The following GSTCD variants were observed in gnomAD, a reference collection of about 807,000 sequenced individuals.
The protein encoded by GSTCD is glutathione S-transferase C-terminal domain containing, also known as glutathione S-transferase C-terminal domain-containing protein.
Under a neutral mutation model 68.3 loss-of-function variants are expected in GSTCD, and 44 were observed. That is an observed-to-expected ratio of 0.64 (90% CI 0.51 to 0.83). The LOEUF (loss-of-function observed/expected upper bound fraction) is 0.83, where lower values mean the gene tolerates loss of function less well. Among genes scored for constraint, GSTCD ranks in the 40% least tolerant of loss-of-function variants. GSTCD has a pLI of 0.00. For missense variants in GSTCD, 739 were observed against 735.9 expected, an observed-to-expected ratio of 1.00 and a Z score of -0.05; for synonymous variants, 273 against 255.2, an observed-to-expected ratio of 1.07 and a Z score of -0.67.
intron 5 of GSTCD, among the ~76,000 whole-genome samples, chr4:105,767,927 GA>G (rs2149240974): frequency 2.1e-5 from 1 of 48,694 alleles, no homozygotes; most frequent in South Asian, 1.1e-3. Flanking sequence ...TTGAGAAAAT[GA>G]TGTGTTTTTT....
At chr4:105,774,091 A>G (rs549187870) in intron 5 of GSTCD, among the ~76,000 whole-genome samples, 17 of 152,196 alleles carry the variant, frequency 1.1e-4, no homozygotes, top group Admixed American at 1.0e-3. Context: ...TATTGCATTG[A>G]TCCCCTTACC....
intron 5 of GSTCD, among the ~76,000 whole-genome samples, chr4:105,737,485 A>G (rs1460470809): frequency 6.6e-6 from 1 of 152,108 alleles, no homozygotes; most frequent in Non-Finnish European, 1.5e-5. Flanking sequence ...TTAGTTCAAT[A>G]TAATTCTATT....
intron 5 of GSTCD, among the ~76,000 whole-genome samples, chr4:105,803,827 T>C (rs576327741): frequency 6.6e-6 from 1 of 152,156 alleles, no homozygotes; most frequent in East Asian, 1.9e-4. Context: ...ATCTGAATGA[T>C]ATATTATTAG....
chr4:105,799,503 AGTATTTTTGT>A (rs1736024325), intron 5 of GSTCD, among the ~76,000 whole-genome samples: 1 of 152,110 alleles, frequency 6.6e-6, no homozygotes, highest in South Asian at 2.1e-4. Flanking sequence ...GCCTAATTCC[AGTATTTTTGT>A]GTCTTAGGAA....
At chr4:105,799,787 A>C (rs1236136114) in intron 5 of GSTCD, among the ~76,000 whole-genome samples, 1 of 151,556 alleles carries the variant, frequency 6.6e-6, no homozygotes, top group Admixed American at 6.6e-5. Context: ...TTGGGAAAAC[A>C]GCACTGATAG....
intron 3 of GSTCD, among the ~76,000 whole-genome samples, chr4:105,725,150 T>G (rs1387588522): frequency 1.3e-5 from 2 of 152,118 alleles, no homozygotes; most frequent in Non-Finnish European, 2.9e-5. Flanking sequence ...CCATTGTTAT[T>G]TATATTGATT....
chr4:105,845,370 T>G (rs1724507459), intron 11 of GSTCD, 71 bp from the exon 12 acceptor site: 1 of 1,570,530 alleles, frequency 6.4e-7, no homozygotes, highest in South Asian at 1.1e-5. Flanking sequence ...ACTATATAGA[T>G]TCCCTTAAAC....
At chr4:105,748,095 A>C (rs1473308511) in intron 5 of GSTCD, among the ~76,000 whole-genome samples, 1 of 152,034 alleles carries the variant, frequency 6.6e-6, no homozygotes, top group African/African-American at 2.4e-5. Context: ...TCTCAACCTA[A>C]AATACAAAAA....
intron 5 of GSTCD, among the ~76,000 whole-genome samples, chr4:105,738,561 T>C (rs1031467992): frequency 9.9e-5 from 15 of 152,224 alleles, no homozygotes; most frequent in Middle Eastern, 3.2e-3. Context: ...ATTTCTTTTA[T>C]CAGTGTTTTA....
intron 7 of GSTCD, among the ~76,000 whole-genome samples, chr4:105,824,908 C>T (rs11723225): frequency 0.054 from 8,193 of 152,106 alleles, 251 homozygotes; most frequent in Middle Eastern, 0.14. Flanking sequence ...CCTAAAATAC[C>T]CTTCCATTCC....
At chr4:105,835,130 A>G (rs902627540) in intron 9 of GSTCD, among the ~76,000 whole-genome samples, 3 of 152,234 alleles carry the variant, frequency 2.0e-5, no homozygotes, top group African/African-American at 4.8e-5. Flanking sequence ...TAAGTATTCA[A>G]TAAATGTGAA....
intron 5 of GSTCD, among the ~76,000 whole-genome samples, chr4:105,818,161 C>G (rs1337746284): frequency 6.6e-6 from 1 of 151,622 alleles, no homozygotes; most frequent in Non-Finnish European, 1.5e-5. Flanking sequence ...ATGAATTATA[C>G]TTAGGTTTCA....
At chr4:105,744,030 A>G (rs538970474) in intron 5 of GSTCD, among the ~76,000 whole-genome samples, 143 of 152,336 alleles carry the variant, frequency 9.4e-4, no homozygotes, top group Middle Eastern at 3.4e-3. Flanking sequence ...ACACATTATT[A>G]TGTAACCTAT....
At chr4:105,737,928 G>A (rs1362898918) in intron 5 of GSTCD, among the ~76,000 whole-genome samples, 1 of 152,144 alleles carries the variant, frequency 6.6e-6, no homozygotes, top group African/African-American at 2.4e-5. Flanking sequence ...ATGGTAATGT[G>A]TGAGTTCTCA....
intron 5 of GSTCD, among the ~76,000 whole-genome samples, chr4:105,764,421 C>T (rs1463842805): frequency 6.6e-6 from 1 of 152,158 alleles, no homozygotes; most frequent in African/African-American, 2.4e-5. Flanking sequence ...ATAATTACTC[C>T]TCTCAGGCTG....
At chr4:105,737,635 C>A (rs1256328071) in intron 5 of GSTCD, among the ~76,000 whole-genome samples, 1 of 151,996 alleles carries the variant, frequency 6.6e-6, no homozygotes, top group East Asian at 1.9e-4. Context: ...AGTCTTTAGT[C>A]CATTTTGAGT....
At chr4:105,841,665 G>A (rs573025627) in intron 10 of GSTCD, among the ~76,000 whole-genome samples, 28 of 97,400 alleles carry the variant, frequency 2.9e-4, no homozygotes, top group African/African-American at 5.9e-4. Flanking sequence ...GTGAAACCCC[G>A]TTTCTATTGA....
chr4:105,751,069 A>G (rs751891271), intron 5 of GSTCD, among the ~76,000 whole-genome samples: 15 of 152,172 alleles, frequency 9.9e-5, no homozygotes, highest in Non-Finnish European at 1.9e-4. Flanking sequence ...AAGGATACAT[A>G]TACTGACAAG....
chr4:105,712,953 A>G (rs1398476557), intron 1 of GSTCD, among the ~76,000 whole-genome samples: 1 of 152,168 alleles, frequency 6.6e-6, no homozygotes, highest in Non-Finnish European at 1.5e-5. Context: ...GTCAGATCAT[A>G]TTTAAAGCTA....
Sources: allele counts gnomAD v4.1 joint callset (sites outside exome capture counted in the v4.1 genomes callset), GRCh38; gene constraint gnomAD v4.1.1; transcripts MANE v1.5; gene names NCBI Gene and HGNC (gene_info 2026-07-23, HGNC 2026-07-21).